Variants in DUSP14 observed in about 807,000 individuals in gnomAD.
DUSP14 encodes the protein dual specificity protein phosphatase 14.
In DUSP14, 5 loss-of-function variants were observed where a neutral mutation model predicts 13.2. The ratio of observed to expected loss-of-function variants is 0.38; its 90% CI spans 0.20 to 0.80. DUSP14 has a LOEUF of 0.80. Ranked by LOEUF, DUSP14 falls within the 30% of genes least tolerant of loss-of-function variation. The pLI, the probability that DUSP14 is intolerant of heterozygous loss-of-function variation, is 0.44. For missense variants in DUSP14, 185 were observed against 264.0 expected (o/e 0.70, Z 2.07); for synonymous variants, 91 against 103.4 (o/e 0.88, Z 0.73).
intron 1 of DUSP14, among the ~76,000 whole-genome samples, chr17:37,494,206 A>G (rs2054048672): frequency 6.6e-6 from 1 of 151,894 alleles, no homozygotes; most frequent in East Asian, 1.9e-4. Flanking sequence ...TGTTAGTCAG[A>G]ATGGTCTTAA....
chr17:37,507,306 C>T (rs972773083), intron 1 of DUSP14, among the ~76,000 whole-genome samples: 1 of 152,190 alleles, frequency 6.6e-6, no homozygotes, highest in Non-Finnish European at 1.5e-5. Context: ...ATGTGTCTGT[C>T]TCACTTGGAT....
chr17:37,503,250 C>A (rs528873454), intron 1 of DUSP14, among the ~76,000 whole-genome samples: 109 of 152,218 alleles, frequency 7.2e-4, no homozygotes, highest in African/African-American at 2.5e-3. Context: ...CATGGGGAAA[C>A]CCTGTCTCTA....
At chr17:37,502,024 G>A (rs2054108602) in intron 1 of DUSP14, among the ~76,000 whole-genome samples, 2 of 152,100 alleles carry the variant, frequency 1.3e-5, no homozygotes, top group African/African-American at 4.8e-5. Context: ...TGTGTATCTT[G>A]TGTCATTTCT....
intron 1 of DUSP14, among the ~76,000 whole-genome samples, chr17:37,504,333 A>G (rs1329810909): frequency 1.3e-5 from 2 of 152,200 alleles, no homozygotes; most frequent in East Asian, 3.8e-4. Context: ...TGCATGTCAC[A>G]CTGAGGGACT....
At chr17:37,505,339 G>A (rs2054131116) in intron 1 of DUSP14, among the ~76,000 whole-genome samples, 1 of 152,192 alleles carries the variant, frequency 6.6e-6, no homozygotes, top group South Asian at 2.1e-4. Context: ...CTGTACTCTA[G>A]CCTGGGCAAC....
chr17:37,489,172 G>A (rs1043202527), upstream of DUSP14, among the ~76,000 whole-genome samples: 22 of 152,206 alleles, frequency 1.4e-4, no homozygotes, highest in Non-Finnish European at 7.3e-5. Context: ...CAGCAAATGA[G>A]CCCTCAAATG....
intron 1 of DUSP14, chr17:37,510,086 C>T (rs190516657): frequency 5.9e-5 from 9 of 152,294 alleles, no homozygotes; most frequent in East Asian, 3.9e-4. Flanking sequence ...ACACCAGCAC[C>T]GCCTGTAATT....
rs9900404 is a variant in DUSP14 at position 37,511,938 on chromosome 17, C to G, written c.-92-243C>G. ...GCCCAGCCACCCCCCCCCCACCCCA[C>G]TTTTTTTTTTTTTTTTTTGGACAAT... is the stretch of plus-strand genomic sequence containing the variant. On this transcript the variant is annotated intron_variant, in intron 2 of 2. Coordinates refer to ENST00000617516, the MANE Select transcript of DUSP14 (RefSeq NM_007026.4). 0.047 allele frequency among the ~76,000 whole-genome samples: 1,792 copies of G among 37,888 alleles called. 82 individuals are homozygous for G. Among genetic ancestry groups the G allele is most frequent in the African/African-American group, 0.077 (749 of 9,754 alleles). The allele number at this position is 37,888 out of a possible 152,430, so 24.9% of individuals were successfully genotyped here. A position where few individuals can be genotyped will look rare whatever the true frequency, so the allele number is the denominator to read the frequency against.
intron 1 of DUSP14, among the ~76,000 whole-genome samples, chr17:37,509,481 C>T (rs964732889): frequency 4.6e-5 from 7 of 150,594 alleles, no homozygotes; most frequent in Non-Finnish European, 1.0e-4. Context: ...CCATCATGCC[C>T]GGATAATTTT....
chr17:37,502,390 C>G (rs1188458322), intron 1 of DUSP14, among the ~76,000 whole-genome samples: 2 of 148,350 alleles, frequency 1.3e-5, no homozygotes, highest in Non-Finnish European at 3.0e-5. Flanking sequence ...TCTCACATTG[C>G]TTCAGTTGGT....
chr17:37,506,755 G>T (rs759718007), intron 1 of DUSP14, among the ~76,000 whole-genome samples: 1 of 152,090 alleles, frequency 6.6e-6, no homozygotes, highest in Non-Finnish European at 1.5e-5. Flanking sequence ...CCTACTCTGG[G>T]GCTGCTCCTT....
At chr17:37,511,937 A>AGTTGTTTTTTTTTTTTTTTTTT (rs1329764853) in intron 2 of DUSP14, among the ~76,000 whole-genome samples, 1 of 16,442 alleles carries the variant, frequency 6.1e-5, no homozygotes, top group Admixed American at 8.3e-4. Context: ...CCCCCACCCC[A>AGTTGTTTTTTTTTTTTTTTTTT]CTTTTTTTTT....
At chr17:37,491,728 T>C (rs990760462) in intron 1 of DUSP14, 1 of 152,222 alleles carries the variant, frequency 6.6e-6, no homozygotes, top group Non-Finnish European at 1.5e-5. Flanking sequence ...TTTAATACTT[T>C]AACATTTTTA....
intron 1 of DUSP14, among the ~76,000 whole-genome samples, chr17:37,508,488 C>T (rs1166990523): frequency 1.3e-5 from 2 of 152,086 alleles, no homozygotes; most frequent in Non-Finnish European, 2.9e-5. Flanking sequence ...AATCCCAGCA[C>T]CTTGGGAGGC....
At chr17:37,511,896 C>A (rs1265654798) in intron 2 of DUSP14, among the ~76,000 whole-genome samples, 1 of 141,096 alleles carries the variant, frequency 7.1e-6, no homozygotes, top group Non-Finnish European at 1.5e-5. Context: ...GCTGGGATTA[C>A]ATGTATGAGC....
chr17:37,508,153 G>C (rs1468697645), intron 1 of DUSP14, among the ~76,000 whole-genome samples: 1 of 152,270 alleles, frequency 6.6e-6, no homozygotes, highest in Non-Finnish European at 1.5e-5. Flanking sequence ...GCTCCCTTCA[G>C]AGAAGGGCAG....
chr17:37,508,195 C>G (rs1345178321), intron 1 of DUSP14, among the ~76,000 whole-genome samples: 1 of 152,220 alleles, frequency 6.6e-6, no homozygotes, highest in African/African-American at 2.4e-5. Context: ...CTGTTAGCAC[C>G]AGTACACCTG....
intron 1 of DUSP14, among the ~76,000 whole-genome samples, chr17:37,506,659 ATAAT>A (rs1257910571): frequency 6.6e-6 from 1 of 152,174 alleles, no homozygotes; most frequent in Non-Finnish European, 1.5e-5. Context: ...CACCTGTGAT[ATAAT>A]ACCCATGGGT....
intron 2 of DUSP14, among the ~76,000 whole-genome samples, chr17:37,511,937 A>AGTTTTTTTTTTT (rs1329764853): frequency 3.7e-4 from 6 of 16,436 alleles, no homozygotes; most frequent in South Asian, 3.0e-3. Flanking sequence ...CCCCCACCCC[A>AGTTTTTTTTTTT]CTTTTTTTTT....
Sources: gnomAD v4.1 joint callset for allele counts (sites outside exome capture counted in the v4.1 genomes callset) on GRCh38, gnomAD v4.1.1 for gene constraint, MANE v1.5 for transcripts, NCBI Gene and HGNC (gene_info 2026-07-23, HGNC 2026-07-21) for gene names.